RARB: variants seen among roughly 807,000 people sequenced by gnomAD.
RARB encodes HBV-activated protein.
RARB carries 17 observed loss-of-function variants against 51.9 expected under a neutral mutation model. The observed-to-expected ratio is 0.33, with a 90% CI of 0.22 to 0.49. RARB has a LOEUF of 0.49. Among genes scored for constraint, RARB ranks in the 20% least tolerant of loss-of-function variants. The pLI, the probability that RARB is intolerant of heterozygous loss-of-function variation, is 0.99. For synonymous variants in RARB, 215 were observed against 195.4 expected, an observed-to-expected ratio of 1.10 and a Z score of -0.84; for missense variants, 369 against 550.8, an observed-to-expected ratio of 0.67 and a Z score of 3.30.
intron 5 of RARB, among the ~76,000 whole-genome samples, chr3:25,398,020 ATCT>A (rs1707163024): frequency 6.6e-6 from 1 of 152,156 alleles, no homozygotes; most frequent in Non-Finnish European, 1.5e-5. Context: ...GCTAAGGTAA[ATCT>A]TTTTGGGTGA....
chr3:25,576,664 A>G (rs1010247772), intron 4 of RARB, among the ~76,000 whole-genome samples: 2 of 152,030 alleles, frequency 1.3e-5, no homozygotes, highest in Non-Finnish European at 2.9e-5. Flanking sequence ...GCTAGGAAAT[A>G]CTCGAAAGAT....
At chr3:25,403,760 C>A (rs2125496083) in intron 5 of RARB, among the ~76,000 whole-genome samples, 1 of 150,860 alleles carries the variant, frequency 6.6e-6, no homozygotes, top group Non-Finnish European at 1.5e-5. Flanking sequence ...AATCTGGCTT[C>A]TTTGACATTT....
chr3:25,490,480 A>T (rs1696677142), intron 2 of RARB, among the ~76,000 whole-genome samples: 1 of 152,132 alleles, frequency 6.6e-6, no homozygotes, highest in South Asian at 2.1e-4. Flanking sequence ...TGCATACCAA[A>T]CTTCTAAAAG....
At chr3:25,105,573 G>A (rs1699484476) in intron 3 of RARB, among the ~76,000 whole-genome samples, 1 of 152,160 alleles carries the variant, frequency 6.6e-6, no homozygotes, top group South Asian at 2.1e-4. Context: ...GTTTATAGGT[G>A]TCAGTGCATT....
intron 2 of RARB, among the ~76,000 whole-genome samples, chr3:24,967,234 C>T (rs1456348507): frequency 6.6e-6 from 1 of 152,088 alleles, no homozygotes; most frequent in East Asian, 1.9e-4. Flanking sequence ...GTTGGTATCA[C>T]TCCCATTTGC....
intron 2 of RARB, among the ~76,000 whole-genome samples, chr3:24,909,115 G>A (rs914107888): frequency 6.6e-6 from 1 of 152,086 alleles, no homozygotes. Flanking sequence ...ATGGCCTTTT[G>A]GTGGAGTAGG....
intron 5 of RARB, among the ~76,000 whole-genome samples, chr3:25,344,927 C>T (rs984117948): frequency 6.7e-6 from 1 of 148,230 alleles, no homozygotes; most frequent in Non-Finnish European, 1.5e-5. Flanking sequence ...CATGCACGGT[C>T]TCTGAAAAGT....
chr3:25,550,641 G>A lies in RARB; in HGVS notation c.449-19117G>A, dbSNP rs141741221. ...AAATTTAATTTCATTTTAAGTTCTGGGATACATCTGCAGGATGTGCAGGTT... is the reference window on the plus strand; with the variant it reads ...AAATTTAATTTCATTTTAAGTTCTGAGATACATCTGCAGGATGTGCAGGTT... On this transcript the variant is annotated intron_variant, in intron 3 of 7. Transcript: ENST00000330688. Among the ~76,000 whole-genome samples, 4 of 152,212 alleles carry A rather than the reference G, an allele frequency of 2.6e-5. No individual in the cohort carries two copies. The East Asian group carries it at 7.7e-4, about 29-fold the overall frequency.
intron 3 of RARB, among the ~76,000 whole-genome samples, chr3:25,063,257 C>T (rs766183358): frequency 6.6e-6 from 1 of 151,898 alleles, no homozygotes; most frequent in African/African-American, 2.4e-5. Flanking sequence ...TTATTTTATT[C>T]CCCTCTCAAT....
intron 3 of RARB, among the ~76,000 whole-genome samples, chr3:25,532,151 C>G (rs1189062293): frequency 1.3e-5 from 2 of 152,124 alleles, no homozygotes; most frequent in Non-Finnish European, 2.9e-5. Context: ...GCAAAGGGCT[C>G]TCACTGAGTC....
intron 5 of RARB, among the ~76,000 whole-genome samples, chr3:25,359,403 T>A (rs1482524477): frequency 1.3e-5 from 2 of 149,942 alleles, no homozygotes; most frequent in East Asian, 3.9e-4. Context: ...ATCTATTTTG[T>A]TAATTTTTTA....
chr3:25,441,405 G>T, intron 1 of RARB: 1 of 211,032 alleles, frequency 4.7e-6, no homozygotes, highest in South Asian at 6.8e-5. Flanking sequence ...CCCAGTCCCA[G>T]GCCTGTAACA....
At chr3:25,493,863 G>A (rs1696871775) in intron 2 of RARB, among the ~76,000 whole-genome samples, 1 of 152,118 alleles carries the variant, frequency 6.6e-6, no homozygotes, top group African/African-American at 2.4e-5. Context: ...TGTTAAACCT[G>A]ATATCAATGG....
intron 5 of RARB, among the ~76,000 whole-genome samples, chr3:25,257,971 T>TA: frequency 6.6e-6 from 1 of 152,194 alleles, no homozygotes; most frequent in Non-Finnish European, 1.5e-5. Flanking sequence ...CTTCCTGCCA[T>TA]AGCAATGGCA....
intron 1 of RARB, among the ~76,000 whole-genome samples, chr3:24,848,496 C>T (rs1702513070): frequency 6.6e-6 from 1 of 152,158 alleles, no homozygotes; most frequent in South Asian, 2.1e-4. Context: ...TCAGTTCCTG[C>T]CTAAGTACTA....
chr3:24,930,946 G>C (rs1695425044), intron 2 of RARB, among the ~76,000 whole-genome samples: 1 of 152,130 alleles, frequency 6.6e-6, no homozygotes, highest in African/African-American at 2.4e-5. Flanking sequence ...CCAAGAGTTT[G>C]AGGTTGCAGT....
chr3:25,414,075 T>C lies in RARB; in HGVS notation c.179-47118T>C, dbSNP rs79725687. Among the ~76,000 whole-genome samples, 78 of 151,992 alleles carry C rather than the reference T, an allele frequency of 5.1e-4. No individual in the cohort carries two copies. In the South Asian group the frequency reaches 0.015, roughly 29 times the overall value. On this transcript the variant is annotated intron_variant, in intron 5 of 11. Transcript: ENST00000383772. Reference sequence around the variant, plus strand: ...ATCTTGCCCTCCTGTCGCTCCCTTTTCCCTAAGCCCTGTCTCTAGGCAACC... The same window carrying C: ...ATCTTGCCCTCCTGTCGCTCCCTTTCCCCTAAGCCCTGTCTCTAGGCAACC...
At chr3:25,101,958 C>T (rs768908037) in intron 3 of RARB, among the ~76,000 whole-genome samples, 5 of 152,106 alleles carry the variant, frequency 3.3e-5, no homozygotes, top group South Asian at 2.1e-4. Flanking sequence ...GGTGAACACT[C>T]GGAGGACATG....
At chr3:24,871,198 T>C (rs1052895158) in intron 2 of RARB, among the ~76,000 whole-genome samples, 1 of 152,186 alleles carries the variant, frequency 6.6e-6, no homozygotes, top group Non-Finnish European at 1.5e-5. Flanking sequence ...TTTTATACAG[T>C]AACACCTTAT....
Sources: allele counts gnomAD v4.1 joint callset (sites outside exome capture counted in the v4.1 genomes callset), GRCh38; gene constraint gnomAD v4.1.1; transcripts MANE v1.5; gene names NCBI Gene and HGNC (gene_info 2026-07-23, HGNC 2026-07-21).